The following LRRC4C variants were observed in gnomAD, a reference collection of about 807,000 sequenced individuals.
LRRC4C encodes leucine-rich repeat-containing protein 4C.
A neutral mutation model predicts 33.6 loss-of-function variants in LRRC4C; 5 were observed. The observed-to-expected ratio is 0.15, with a 90% CI of 0.08 to 0.31. The LOEUF (loss-of-function observed/expected upper bound fraction) is 0.31. Among genes scored for constraint, LRRC4C ranks in the 10% least tolerant of loss-of-function variants. The pLI is 1.00. For missense variants in LRRC4C, 560 were observed against 796.7 expected, an observed-to-expected ratio of 0.70 and a Z score of 3.58; for synonymous variants, 329 against 302.0, an observed-to-expected ratio of 1.09 and a Z score of -0.93.
chr11:40,721,745 T>G (rs966380910), intron 2 of LRRC4C, among the ~76,000 whole-genome samples: 1 of 151,492 alleles, frequency 6.6e-6, no homozygotes, highest in African/African-American at 2.4e-5. Flanking sequence ...GGTCAGGAGA[T>G]GGAGACCATC....
intron 5 of LRRC4C, among the ~76,000 whole-genome samples, chr11:40,179,974 T>C (rs1565097145): frequency 6.6e-6 from 1 of 152,186 alleles, no homozygotes; most frequent in Non-Finnish European, 1.5e-5. Context: ...GTATCACACT[T>C]TCTCTGTCAG....
chr11:41,062,987 T>A (rs990059960), intron 1 of LRRC4C, among the ~76,000 whole-genome samples: 1 of 152,138 alleles, frequency 6.6e-6, no homozygotes, highest in Admixed American at 6.5e-5. Flanking sequence ...ATTTTAGACC[T>A]AAGAGACAAT....
At chr11:40,827,415 A>G (rs533087627) in intron 2 of LRRC4C, among the ~76,000 whole-genome samples, 69 of 151,992 alleles carry the variant, frequency 4.5e-4, no homozygotes, top group Non-Finnish European at 7.7e-4. Flanking sequence ...TCTCTTAAAT[A>G]GCAGGAGACT....
chr11:40,765,451 A>G (rs1949407522), intron 2 of LRRC4C, among the ~76,000 whole-genome samples: 1 of 152,168 alleles, frequency 6.6e-6, no homozygotes, highest in South Asian at 2.1e-4. Flanking sequence ...TTTATAAATT[A>G]TGCAGTTCAA....
chr11:40,545,402 G>A (rs1302431364), intron 3 of LRRC4C, among the ~76,000 whole-genome samples: 1 of 151,752 alleles, frequency 6.6e-6, no homozygotes, highest in Non-Finnish European at 1.5e-5. Context: ...TGAAAGAGTG[G>A]TTTTTTACAG....
rs189911810 is a variant in LRRC4C at position 40,903,878 on chromosome 11, T to C, written c.-407+29757A>G. Among the ~76,000 whole-genome samples the C allele has an allele frequency of 4.0e-3, 603 of 152,286 alleles. 5 individuals are homozygous for C. The highest frequency in any genetic ancestry group is 0.014 in the African/African-American group (563 of 41,558). ...GTGATTACTATGCATTACATGCCTGTATCAAAACATCTCATGTACTTCATA... is the reference window on the plus strand; with the variant it reads ...GTGATTACTATGCATTACATGCCTGCATCAAAACATCTCATGTACTTCATA... On this transcript the variant is annotated intron_variant, in intron 2 of 6. Coordinates refer to ENST00000528697, the MANE Select transcript of LRRC4C (RefSeq NM_001258419.2).
chr11:40,353,066 G>A (rs973507397), intron 3 of LRRC4C, among the ~76,000 whole-genome samples: 1 of 152,066 alleles, frequency 6.6e-6, no homozygotes, highest in Non-Finnish European at 1.5e-5. Context: ...TCTTGTTTGG[G>A]TTAAATCTTC....
chr11:40,625,460 A>G (rs1962838622), intron 3 of LRRC4C, among the ~76,000 whole-genome samples: 1 of 152,148 alleles, frequency 6.6e-6, no homozygotes, highest in Non-Finnish European at 1.5e-5. Flanking sequence ...TTTTAAAACC[A>G]TCAGATCTCT....
chr11:41,194,812 GTTGTT>G (rs1342684347), intron 1 of LRRC4C, among the ~76,000 whole-genome samples: 1 of 152,100 alleles, frequency 6.6e-6, no homozygotes, highest in Non-Finnish European at 1.5e-5. Context: ...ATGAATGTGT[GTTGTT>G]TTAATTCACC....
At chr11:40,484,268 C>A (rs1953742143) in intron 3 of LRRC4C, among the ~76,000 whole-genome samples, 1 of 151,978 alleles carries the variant, frequency 6.6e-6, no homozygotes, top group Non-Finnish European at 1.5e-5. Context: ...TTCACTGTAG[C>A]ATTAATTTGC....
Position 40,115,095 on chromosome 11 carries a change from T to C in LRRC4C, c.1198A>G (p.Lys400Glu). 2 of 1,614,230 alleles carry C rather than the reference T, an allele frequency of 1.2e-6. No individual in the cohort carries two copies. Among genetic ancestry groups the C allele is most frequent in the Non-Finnish European group, 8.5e-7 (1 of 1,180,044 alleles). Residue 400 changes from lysine (K) to glutamate (E), a missense_variant, in exon 7 of 7, where the codon AAA becomes GAA. Lys to Glu is a moderately conservative substitution (Grantham distance 56, BLOSUM62 1). This residue lies in a region of LRRC4C where 455 missense variants were observed against 643.8 expected (regional missense o/e 0.71). Coordinates refer to ENST00000528697, the MANE Select transcript of LRRC4C (RefSeq NM_001258419.2). The surrounding 1 kb of genome is among the most constrained non-coding windows in gnomAD (Gnocchi z 6.7). ...NGTVMTHGAY[K>E]VRIAVLSDGT... is the part of the protein sequence containing the mutation. ...TCACTGAGCACAGCTATCCGCACTTTGTACGCCCCATGTGTCATGACTGTT... is the reference window on the plus strand; with the variant it reads ...TCACTGAGCACAGCTATCCGCACTTCGTACGCCCCATGTGTCATGACTGTT...
chr11:40,451,429 G>A (rs1330602259), intron 3 of LRRC4C, among the ~76,000 whole-genome samples: 2 of 117,968 alleles, frequency 1.7e-5, no homozygotes, highest in Non-Finnish European at 3.2e-5. Flanking sequence ...TCTATTGCCT[G>A]GGCCGGAGTG....
chr11:40,404,595 T>C (rs1368845298), intron 3 of LRRC4C, among the ~76,000 whole-genome samples: 1 of 152,078 alleles, frequency 6.6e-6, no homozygotes, highest in East Asian at 1.9e-4. Flanking sequence ...CATTATGTTA[T>C]GCCCACTTTT....
At chr11:40,174,255 T>C (rs1860287072) in intron 5 of LRRC4C, among the ~76,000 whole-genome samples, 1 of 152,186 alleles carries the variant, frequency 6.6e-6, no homozygotes, top group African/African-American at 2.4e-5. Flanking sequence ...AGAATACACA[T>C]CTCAAATCAA....
chr11:40,943,783 A>G (rs1958262476), intron 1 of LRRC4C, among the ~76,000 whole-genome samples: 1 of 152,190 alleles, frequency 6.6e-6, no homozygotes, highest in African/African-American at 2.4e-5. Flanking sequence ...TCAACTTCCC[A>G]GTAGGAGTAA....
At chr11:40,884,299 T>C (rs185964655) in intron 2 of LRRC4C, among the ~76,000 whole-genome samples, 2 of 152,146 alleles carry the variant, frequency 1.3e-5, no homozygotes, top group African/African-American at 4.8e-5. Context: ...ACATTTTCTT[T>C]ATCCAGTCTA....
In LRRC4C at chr11:40,430,269, G is replaced by T. The variant is rs149267065; in HGVS notation, c.-269-110548C>A. On this transcript the variant is annotated intron_variant, in intron 3 of 6. Transcript: ENST00000528697. ...GGAAGAAAAGTGCACGTATGGGGGG[G>T]GTTGCTCTAGGAGAAAGTTGGTGAA... is the stretch of plus-strand genomic sequence containing the variant. Among the ~76,000 whole-genome samples, 541 of 149,458 alleles carry T rather than the reference G, an allele frequency of 3.6e-3. 3 individuals are homozygous for T. The highest frequency in any genetic ancestry group is 5.4e-3 in the Non-Finnish European group (363 of 67,572).
chr11:40,383,090 C>T (rs1417417884), intron 3 of LRRC4C, among the ~76,000 whole-genome samples: 1 of 148,882 alleles, frequency 6.7e-6, no homozygotes, highest in Non-Finnish European at 1.5e-5. Flanking sequence ...TAACTACTTT[C>T]AATTTTTTAA....
At chr11:40,905,355 A>G (rs1211683296) in intron 2 of LRRC4C, among the ~76,000 whole-genome samples, 2 of 151,936 alleles carry the variant, frequency 1.3e-5, no homozygotes, top group African/African-American at 2.4e-5. Context: ...TATCCCCTTG[A>G]GCTGGGAGAA....
Sources: allele counts gnomAD v4.1 joint callset (sites outside exome capture counted in the v4.1 genomes callset), GRCh38; gene constraint gnomAD v4.1.1; regional missense constraint gnomAD v4.1.1; non-coding constraint Gnocchi (gnomAD v3.1); transcripts MANE v1.5; gene names NCBI Gene and HGNC (gene_info 2026-07-23, HGNC 2026-07-21).